SPAG16: variants seen among roughly 807,000 people sequenced by gnomAD.
SPAG16 encodes sperm-associated antigen 16 protein.
In SPAG16, 86 loss-of-function variants were observed where a neutral mutation model predicts 80.4. The ratio of observed to expected loss-of-function variants is 1.07; its 90% CI spans 0.90 to 1.28. The LOEUF (loss-of-function observed/expected upper bound fraction) is 1.28, where lower values mean the gene tolerates loss of function less well. Among genes scored for constraint, SPAG16 ranks in the 50% most tolerant of loss-of-function variants. SPAG16 has a pLI of 0.00. For missense variants in SPAG16, 870 were observed against 765.3 expected, an observed-to-expected ratio of 1.14 and a Z score of -1.61; for synonymous variants, 294 against 265.9, an observed-to-expected ratio of 1.11 and a Z score of -1.03.
intron 13 of SPAG16, among the ~76,000 whole-genome samples, chr2:214,085,388 AAAAAAG>A (rs1169098543): frequency 7.9e-5 from 12 of 151,264 alleles, no homozygotes; most frequent in Non-Finnish European, 1.5e-4. Context: ...CAAAAAAAAA[AAAAAAG>A]AAAGAAAGAA....
chr2:213,929,163 G>A (rs1298615547), intron 11 of SPAG16, among the ~76,000 whole-genome samples: 2 of 151,606 alleles, frequency 1.3e-5, no homozygotes, highest in African/African-American at 2.4e-5. Context: ...ACAGGCGCAC[G>A]CCACCATGCC....
rs760661160 is a variant in SPAG16 at position 214,149,282 on chromosome 2, T to A, written c.1720+16T>A. On this transcript the variant is annotated intron_variant, in intron 15 of 15. Transcript: ENST00000331683. ...GATTCATCAGGTAGGATCATTTTTG[T>A]CTAATGTTTCTGACTAAGCCAATAA... 1.2e-5 allele frequency: 18 copies of A among 1,534,982 alleles called. No homozygotes were observed. Among genetic ancestry groups the A allele is most frequent in the Non-Finnish European group, 1.4e-5 (16 of 1,140,054 alleles).
rs556612079 is a variant in SPAG16, at chr2:213,621,016, G to A, written c.1070+130926G>A. 2.6e-5 allele frequency among the ~76,000 whole-genome samples: 4 copies of A among 151,986 alleles called. No homozygotes were observed. In the South Asian group the frequency reaches 6.2e-4, roughly 24 times the overall value. On this transcript the variant is annotated intron_variant, in intron 10 of 15. Coordinates refer to ENST00000331683, the MANE Select transcript of SPAG16 (RefSeq NM_024532.5). ...CAAGTTTTATTTGTACTAAAAACTAGTTTTAGTACTTACCTTTAATTTTCT... is the reference window on the plus strand; with the variant it reads ...CAAGTTTTATTTGTACTAAAAACTAATTTTAGTACTTACCTTTAATTTTCT...
chr2:214,074,561 C>A (rs775453840), intron 13 of SPAG16, among the ~76,000 whole-genome samples: 2 of 151,906 alleles, frequency 1.3e-5, no homozygotes, highest in Non-Finnish European at 2.9e-5. Context: ...AAGATAGAAA[C>A]ACTTTCAATT....
intron 15 of SPAG16, among the ~76,000 whole-genome samples, chr2:214,236,152 C>A (rs1395350504): frequency 6.6e-6 from 1 of 152,158 alleles, no homozygotes; most frequent in African/African-American, 2.4e-5. Context: ...AGCTAGGTGT[C>A]TTGCTAACTC....
At chr2:213,779,245 G>C (rs2069792647) in intron 10 of SPAG16, among the ~76,000 whole-genome samples, 1 of 152,006 alleles carries the variant, frequency 6.6e-6, no homozygotes, top group Non-Finnish European at 1.5e-5. Flanking sequence ...AAATACGTCT[G>C]TTTCTTCTAC....
chr2:213,950,644 C>G (rs2079706776), intron 12 of SPAG16, among the ~76,000 whole-genome samples: 1 of 150,986 alleles, frequency 6.6e-6, no homozygotes, highest in South Asian at 2.1e-4. Context: ...CTTCCTCCCT[C>G]TCTCCTTCCC....
At chr2:213,824,764 T>A (rs767867729) in intron 10 of SPAG16, among the ~76,000 whole-genome samples, 37 of 152,172 alleles carry the variant, frequency 2.4e-4, no homozygotes, top group Admixed American at 1.8e-3. Context: ...TTGCTTTTTC[T>A]TTCTGGGAAA....
chr2:213,303,548 T>C (rs1015352133), intron 3 of SPAG16, among the ~76,000 whole-genome samples: 4 of 152,006 alleles, frequency 2.6e-5, no homozygotes, highest in Admixed American at 6.6e-5. Flanking sequence ...CCCCAGCCTC[T>C]GGTAATTATT....
chr2:214,319,043 A>T (rs539621788), intron 15 of SPAG16, among the ~76,000 whole-genome samples: 1 of 152,298 alleles, frequency 6.6e-6, no homozygotes, highest in South Asian at 2.1e-4. Flanking sequence ...TTAATAAACT[A>T]GTGAAACAAT....
At chr2:214,174,726 G>T (rs556817700) in intron 15 of SPAG16, among the ~76,000 whole-genome samples, 3 of 151,658 alleles carry the variant, frequency 2.0e-5, no homozygotes, top group South Asian at 2.1e-4. Context: ...GATGGCAAAG[G>T]CTGTTCCATT....
At position 213,929,000 on chromosome 2, in the gene SPAG16, C is replaced by CT. The variant is rs59993057; in HGVS notation, c.1215-929dup. Reference sequence around the variant, plus strand: ...GACACCTACCCATTTCTTTTCTTTTCTTTTTTTTTTTTTTTTTTTTTTTTT... The same window carrying CT: ...GACACCTACCCATTTCTTTTCTTTTCTTTTTTTTTTTTTTTTTTTTTTTTTT... On this transcript the variant is annotated intron_variant, in intron 11 of 15. Transcript: ENST00000331683. 1.7e-4 allele frequency among the ~76,000 whole-genome samples: 7 copies of CT among 40,852 alleles called. 2 individuals carry two copies. Among genetic ancestry groups the CT allele is most frequent in the African/African-American group, 7.2e-4 (7 of 9,770 alleles). 26.8% of individuals were successfully genotyped at this position (40,852 alleles called of 152,430 possible). A position where few individuals can be genotyped will look rare whatever the true frequency, so the allele number is the denominator to read the frequency against.
chr2:214,226,063 G>A (rs115066448), intron 15 of SPAG16, among the ~76,000 whole-genome samples: 1 of 152,028 alleles, frequency 6.6e-6, no homozygotes, highest in Non-Finnish European at 1.5e-5. Flanking sequence ...ATCTGAAAAG[G>A]TTTTCATTTG....
intron 10 of SPAG16, among the ~76,000 whole-genome samples, chr2:213,510,254 G>C (rs1025369546): frequency 1.3e-5 from 2 of 152,082 alleles, no homozygotes; most frequent in Non-Finnish European, 2.9e-5. Context: ...TGTAGTTTAT[G>C]GGTTTTAGTC....
intron 10 of SPAG16, among the ~76,000 whole-genome samples, chr2:213,681,660 C>G (rs1029318202): frequency 6.6e-6 from 1 of 152,088 alleles, no homozygotes; most frequent in African/African-American, 2.4e-5. Flanking sequence ...AATAAAGAAG[C>G]AGAAATTGAG....
chr2:214,250,843 G>A (rs546112187), intron 15 of SPAG16, among the ~76,000 whole-genome samples: 25 of 145,706 alleles, frequency 1.7e-4, no homozygotes, highest in Non-Finnish European at 3.2e-4. Flanking sequence ...AAGCACTTTT[G>A]TTATTCGTTT....
intron 10 of SPAG16, among the ~76,000 whole-genome samples, chr2:213,587,104 C>T (rs1048279654): frequency 3.3e-5 from 5 of 152,130 alleles, no homozygotes; most frequent in African/African-American, 4.8e-5. Context: ...CAGTAGTCTC[C>T]GAGCAGCCCT....
At chr2:213,726,998 G>C (rs2066797497) in intron 10 of SPAG16, among the ~76,000 whole-genome samples, 1 of 152,118 alleles carries the variant, frequency 6.6e-6, no homozygotes, top group African/African-American at 2.4e-5. Context: ...AAATTCTTAT[G>C]CATTCAATCT....
chr2:213,709,620 T>C (rs2065898391), intron 10 of SPAG16, among the ~76,000 whole-genome samples: 1 of 152,150 alleles, frequency 6.6e-6, no homozygotes, highest in African/African-American at 2.4e-5. Flanking sequence ...TCAAAAGCTA[T>C]GTTGTGGACC....
Sources: gnomAD v4.1 joint callset for allele counts (sites outside exome capture counted in the v4.1 genomes callset) on GRCh38, gnomAD v4.1.1 for gene constraint, MANE v1.5 for transcripts, NCBI Gene and HGNC (gene_info 2026-07-23, HGNC 2026-07-21) for gene names.